The following PTPRD variants were observed in gnomAD, a reference collection of about 807,000 sequenced individuals.
PTPRD encodes the protein receptor-type tyrosine-protein phosphatase delta.
Under a neutral mutation model 214.5 loss-of-function variants are expected in PTPRD, and 34 were observed. The ratio of observed to expected loss-of-function variants is 0.16; its 90% CI spans 0.12 to 0.21. PTPRD has a LOEUF of 0.21. Ranked by LOEUF, PTPRD falls within the 10% of genes least tolerant of loss-of-function variation. PTPRD has a pLI of 1.00. For synonymous variants in PTPRD, 1,128 were observed against 845.7 expected (o/e 1.33, Z -5.79); for missense variants, 2,545 against 2,398.7 (o/e 1.06, Z -1.27).
chr9:10,404,442 T>C (rs2098327702), intron 2 of PTPRD, among the ~76,000 whole-genome samples: 1 of 151,724 alleles, frequency 6.6e-6, no homozygotes, highest in African/African-American at 2.4e-5. Context: ...CTTATTTGTA[T>C]TATTTTAAAT....
At chr9:10,362,068 A>T (rs762488367) in intron 2 of PTPRD, among the ~76,000 whole-genome samples, 1 of 152,222 alleles carries the variant, frequency 6.6e-6, no homozygotes, top group Admixed American at 6.5e-5. Context: ...ACATCTAGTC[A>T]GCAACTGCCA....
At chr9:9,179,376 A>C (rs2099926785) in intron 10 of PTPRD, among the ~76,000 whole-genome samples, 1 of 152,120 alleles carries the variant, frequency 6.6e-6, no homozygotes, top group African/African-American at 2.4e-5. Context: ...ACATTTTAAC[A>C]GTTTCTGGCT....
At chr9:9,877,973 CAAAAAAAAA>C (rs758528718) in intron 5 of PTPRD, among the ~76,000 whole-genome samples, 4 of 70,658 alleles carry the variant, frequency 5.7e-5, no homozygotes, top group Admixed American at 1.6e-4. Context: ...AACTCCATCT[CAAAAAAAAA>C]AAAAAAAAAA....
chr9:10,562,983 T>C (rs2064450827), intron 2 of PTPRD, among the ~76,000 whole-genome samples: 1 of 152,142 alleles, frequency 6.6e-6, no homozygotes, highest in African/African-American at 2.4e-5. Context: ...TTTAAAAAAA[T>C]TATAGAAATG....
At chr9:9,515,194 C>A (rs1045275452) in intron 8 of PTPRD, among the ~76,000 whole-genome samples, 8 of 152,086 alleles carry the variant, frequency 5.3e-5, no homozygotes, top group African/African-American at 1.7e-4. Context: ...TTTGTAAACA[C>A]TTCAATCTAT....
chr9:8,538,837 T>C lies in PTPRD; in HGVS notation c.353-10058A>G, dbSNP rs543839861. The stretch of plus-strand genomic sequence containing the variant: ...TTGTATTCAGATCTTGGTTTCTAAA[T>C]ACCATTCTCCAGTTGAAAGGAAACA... On this transcript the variant is annotated intron_variant, in intron 14 of 45. Transcript: ENST00000381196. 2.0e-5 allele frequency among the ~76,000 whole-genome samples: 3 copies of C among 152,006 alleles called. No individual in the cohort carries two copies. The South Asian group carries it at 6.2e-4, about 32-fold the overall frequency.
intron 4 of PTPRD, among the ~76,000 whole-genome samples, chr9:10,009,050 T>A (rs1199920792): frequency 1.3e-5 from 2 of 151,956 alleles, no homozygotes; most frequent in Non-Finnish European, 2.9e-5. Context: ...GGAAACAGGT[T>A]TTAAAGTTAT....
chr9:8,708,773 G>A (rs1350560757), intron 12 of PTPRD, among the ~76,000 whole-genome samples: 1 of 150,462 alleles, frequency 6.6e-6, no homozygotes, highest in Non-Finnish European at 1.5e-5. Context: ...AAATAGGTAT[G>A]TCAAAGAGAT....
intron 4 of PTPRD, among the ~76,000 whole-genome samples, chr9:9,967,100 T>C (rs1181110794): frequency 2.0e-5 from 3 of 152,140 alleles, no homozygotes; most frequent in African/African-American, 7.2e-5. Flanking sequence ...TGTAGTATAA[T>C]GTTTCAGTCA....
chr9:8,558,930 T>G (rs937464001), intron 14 of PTPRD, among the ~76,000 whole-genome samples: 3 of 152,190 alleles, frequency 2.0e-5, no homozygotes, highest in African/African-American at 7.2e-5. Flanking sequence ...TCAGAACTTA[T>G]CAATTAATTG....
intron 26 of PTPRD, among the ~76,000 whole-genome samples, chr9:8,495,400 T>C (rs2097241141): frequency 6.6e-6 from 1 of 152,228 alleles, no homozygotes; most frequent in South Asian, 2.1e-4. Context: ...TCAACTCTGT[T>C]GCATTTTTAT....
intron 3 of PTPRD, among the ~76,000 whole-genome samples, chr9:10,116,061 G>T (rs1440071950): frequency 6.6e-6 from 1 of 152,098 alleles, no homozygotes; most frequent in African/African-American, 2.4e-5. Context: ...CTGTCTTCAT[G>T]TTTGTATTTA....
chr9:9,280,272 C>G (rs1205429456), intron 9 of PTPRD, among the ~76,000 whole-genome samples: 1 of 150,896 alleles, frequency 6.6e-6, no homozygotes, highest in Non-Finnish European at 1.5e-5. Context: ...ATTCTGGAAC[C>G]CAACAAGCTA....
chr9:9,199,533 T>C (rs2099940636), intron 9 of PTPRD, among the ~76,000 whole-genome samples: 2 of 152,106 alleles, frequency 1.3e-5, no homozygotes, highest in Non-Finnish European at 1.5e-5. Context: ...CCAGACTAAA[T>C]ATAAATGGTG....
At chr9:8,547,779 T>C (rs1039996836) in intron 14 of PTPRD, among the ~76,000 whole-genome samples, 5 of 151,760 alleles carry the variant, frequency 3.3e-5, no homozygotes, top group East Asian at 1.9e-4. Context: ...AAAATACATA[T>C]ATAATTATGT....
chr9:10,506,102 T>G (rs1464467413), intron 2 of PTPRD, among the ~76,000 whole-genome samples: 8 of 152,270 alleles, frequency 5.3e-5, no homozygotes, highest in Non-Finnish European at 1.2e-4. Flanking sequence ...TGGCAATGTT[T>G]TTCTAATACA....
At chr9:10,169,629 G>A (rs1026244911) in intron 3 of PTPRD, among the ~76,000 whole-genome samples, 2 of 152,076 alleles carry the variant, frequency 1.3e-5, no homozygotes, top group African/African-American at 2.4e-5. Flanking sequence ...CCAATGTAGA[G>A]AGAATCCAAA....
chr9:9,005,268 T>C (rs527414439), intron 11 of PTPRD, among the ~76,000 whole-genome samples: 2 of 152,166 alleles, frequency 1.3e-5, no homozygotes, highest in South Asian at 4.1e-4. Flanking sequence ...CAAAACTCCA[T>C]CTGAGTGACA....
intron 4 of PTPRD, among the ~76,000 whole-genome samples, chr9:9,997,821 C>T (rs963554948): frequency 1.4e-5 from 2 of 144,624 alleles, no homozygotes; most frequent in African/African-American, 5.1e-5. Context: ...CCCTCTTCTC[C>T]TTGTCACCAC....
Sources: allele counts gnomAD v4.1 joint callset (sites outside exome capture counted in the v4.1 genomes callset), GRCh38; gene constraint gnomAD v4.1.1; transcripts MANE v1.5; gene names NCBI Gene and HGNC (gene_info 2026-07-23, HGNC 2026-07-21).